ITGB8: variants seen among roughly 807,000 people sequenced by gnomAD.
The protein encoded by ITGB8 is integrin beta-8.
In ITGB8, 30 loss-of-function variants were observed where a neutral mutation model predicts 89.5. The observed-to-expected ratio is 0.34, with a 90% confidence interval of 0.25 to 0.45. The LOEUF is 0.45. ITGB8 is among the 20% of genes least tolerant of loss of function. The probability of loss-of-function intolerance (pLI) is 1.00; values close to 1 mark genes in which losing one functional copy is unlikely to be tolerated. For missense variants in ITGB8, 836 were observed against 933.3 expected, an observed-to-expected ratio of 0.90 and a Z score of 1.36; for synonymous variants, 335 against 320.4, an observed-to-expected ratio of 1.05 and a Z score of -0.49.
chr7:20,330,039 T>G (rs1457939234), upstream of ITGB8, among the ~76,000 whole-genome samples: 2 of 152,198 alleles, frequency 1.3e-5, no homozygotes, highest in Non-Finnish European at 2.9e-5. Context: ...TGTAACTTTT[T>G]GTTCCGTTTA....
intron 1 of ITGB8, among the ~76,000 whole-genome samples, chr7:20,350,957 G>C (rs757648027): frequency 1.3e-5 from 2 of 152,110 alleles, no homozygotes; most frequent in African/African-American, 4.8e-5. Flanking sequence ...TTTCAGGCTG[G>C]GGCTTTCACG....
intron 8 of ITGB8, among the ~76,000 whole-genome samples, chr7:20,396,575 C>T (rs1787091510): frequency 6.6e-6 from 1 of 151,944 alleles, no homozygotes; most frequent in African/African-American, 2.4e-5. Context: ...TCTTAAATTA[C>T]ATCTTTCTCA....
At chr7:20,333,913 C>A (rs1478401753) in intron 1 of ITGB8, among the ~76,000 whole-genome samples, 9 of 152,040 alleles carry the variant, frequency 5.9e-5, no homozygotes, top group Non-Finnish European at 1.3e-4. Flanking sequence ...AATTATATGT[C>A]TTTACAGTGC....
chr7:20,379,374 C>A, intron 4 of ITGB8, 77 bp downstream of exon 4: 1 of 942,886 alleles, frequency 1.1e-6, no homozygotes, highest in Non-Finnish European at 1.5e-6. Context: ...ATGTAAAGAA[C>A]TTACCAAATT....
chr7:20,341,889 TAAA>T (rs372857680), intron 1 of ITGB8, among the ~76,000 whole-genome samples: 5 of 140,044 alleles, frequency 3.6e-5, no homozygotes, highest in Admixed American at 1.4e-4. Flanking sequence ...ATGTTTGAGT[TAAA>T]AAAAAAAAAA....
At chr7:20,348,932 T>C (rs1648280942) in intron 1 of ITGB8, among the ~76,000 whole-genome samples, 1 of 152,140 alleles carries the variant, frequency 6.6e-6, no homozygotes. Flanking sequence ...TTTGGGGAAA[T>C]ATGGAGAAGA....
intron 6 of ITGB8, among the ~76,000 whole-genome samples, chr7:20,384,057 G>T (rs553716527): frequency 6.6e-6 from 1 of 152,252 alleles, no homozygotes; most frequent in African/African-American, 2.4e-5. Flanking sequence ...CCTTGGCCAT[G>T]AATTTATACA....
intron 3 of ITGB8, among the ~76,000 whole-genome samples, chr7:20,375,028 G>A (rs2127955169): frequency 6.6e-6 from 1 of 152,294 alleles, no homozygotes; most frequent in Admixed American, 6.5e-5. Context: ...ATTCTGGCAT[G>A]CTAGAGTTCA....
At chr7:20,381,037 A>C in intron 5 of ITGB8, 1 of 485,264 alleles carries the variant, frequency 2.1e-6, no homozygotes, top group South Asian at 3.3e-5. Flanking sequence ...TAAATAGGAA[A>C]AGACAAAAGG....
intron 1 of ITGB8, among the ~76,000 whole-genome samples, chr7:20,362,347 CAT>C (rs1785536287): frequency 1.3e-5 from 2 of 152,184 alleles, no homozygotes; most frequent in African/African-American, 2.4e-5. Context: ...CACATACACA[CAT>C]GTGCATGAGT....
In ITGB8 at chr7:20,410,654, ATGTTT is replaced by A. The variant is rs1394245356; in HGVS notation, c.*664_*668del. The A allele has an allele frequency of 6.6e-6, 1 of 152,552 alleles. No homozygotes were observed. Among genetic ancestry groups the A allele is most frequent in the Non-Finnish European group, 1.5e-5 (1 of 68,008 alleles). The allele number at this position is 152,552 out of a possible 1,614,324, so 9.4% of individuals were successfully genotyped here. A position where few individuals can be genotyped will look rare whatever the true frequency, so the allele number is the denominator to read the frequency against. ...CCAGCATTCTCTCCTCTTTGCCTTT[ATGTTT>A]TGTTTTCTTTTTTACAGGATAAGTT... is the stretch of plus-strand genomic sequence containing the variant. On this transcript the variant is annotated 3_prime_UTR_variant, in exon 14 of 14. Coordinates refer to ENST00000222573, the MANE Select transcript of ITGB8 (RefSeq NM_002214.3).
At chr7:20,344,251 T>C (rs1344994122) in intron 1 of ITGB8, among the ~76,000 whole-genome samples, 1 of 151,866 alleles carries the variant, frequency 6.6e-6, no homozygotes, top group African/African-American at 2.4e-5. Context: ...AGACAGAACA[T>C]TGCCGTCTTT....
At chr7:20,354,898 C>T (rs1036414890) in intron 1 of ITGB8, among the ~76,000 whole-genome samples, 1 of 152,110 alleles carries the variant, frequency 6.6e-6, no homozygotes, top group African/African-American at 2.4e-5. Flanking sequence ...TTTAGGATTC[C>T]GTTAGTTAAG....
intron 2 of ITGB8, 53 bp from the exon 3 acceptor site, chr7:20,366,959 G>T: frequency 8.1e-7 from 1 of 1,227,238 alleles, no homozygotes; most frequent in South Asian, 1.4e-5. Context: ...CATTTTCTTT[G>T]GATGTAATTG....
Position 20,414,109 on chromosome 7 carries a change from T to C in ITGB8, c.*4112T>C, listed in dbSNP as rs1787856250. ...TTCTTGCAACTGTTGGCACTTCAGATGCAGTGTTTAAAATTATGCTTGAAT... is the reference window on the plus strand; with the variant it reads ...TTCTTGCAACTGTTGGCACTTCAGACGCAGTGTTTAAAATTATGCTTGAAT... On this transcript the variant is annotated 3_prime_UTR_variant, in exon 14 of 14. Transcript: ENST00000222573. 1 of 152,180 alleles carries C rather than the reference T, an allele frequency of 6.6e-6. No homozygotes were observed. The allele number at this position is 152,180 out of a possible 1,614,324, so 9.4% of individuals were successfully genotyped here.
At chr7:20,381,634 TTCG>T (rs1209905644) in intron 5 of ITGB8, 90 bp from the exon 6 acceptor site, 19 of 917,522 alleles carry the variant, frequency 2.1e-5, no homozygotes, top group Non-Finnish European at 2.7e-5. Context: ...TGACTTACTG[TTCG>T]TCAACTCAAA....
Position 20,331,337 on chromosome 7 carries a change from T to C in ITGB8, c.-470T>C, listed in dbSNP as rs1295336395. 2.6e-6 allele frequency: 1 copy of C among 390,198 alleles called. No individual in the cohort carries two copies. The highest frequency in any genetic ancestry group is 4.5e-6 in the Non-Finnish European group (1 of 221,230). The allele number at this position is 390,198 out of a possible 1,614,324, so 24.2% of individuals were successfully genotyped here. On this transcript the variant is annotated 5_prime_UTR_variant, in exon 1 of 14. Transcript: ENST00000222573. ...CCTCGCCGGCGTCCCCTCCCACAGA[T>C]CCAGCATCACCCAGTGAATGTACAT...
chr7:20,380,993 T>C (rs1295927955), intron 5 of ITGB8, 162 bp downstream of exon 5: 2 of 606,212 alleles, frequency 3.3e-6, no homozygotes, highest in South Asian at 2.3e-5. Flanking sequence ...TCGGTATGTG[T>C]TTGGGACAGA....
chr7:20,352,228 A>C (rs2128132032), intron 1 of ITGB8: 1 of 152,354 alleles, frequency 6.6e-6, no homozygotes, highest in South Asian at 2.1e-4. Flanking sequence ...TTCTAAGTCT[A>C]ATGTAGGAAA....
Sources: allele counts gnomAD v4.1 joint callset (sites outside exome capture counted in the v4.1 genomes callset), GRCh38; gene constraint gnomAD v4.1.1; transcripts MANE v1.5; gene names NCBI Gene and HGNC (gene_info 2026-07-23, HGNC 2026-07-21).